Variants in TSBP1 observed in about 807,000 individuals in gnomAD.
TSBP1 encodes testis-expressed basic protein 1.
TSBP1 carries 56 observed loss-of-function variants against 68.8 expected under a neutral mutation model. The ratio of observed to expected loss-of-function variants is 0.81; its 90% CI spans 0.66 to 1.02. The LOEUF is 1.02. Among genes scored for constraint, TSBP1 ranks in the 50% least tolerant of loss-of-function variants. TSBP1 has a pLI of 0.00. For synonymous variants in TSBP1, 171 were observed against 208.7 expected (o/e 0.82, Z 1.56); for missense variants, 502 against 641.2 (o/e 0.78, Z 2.34).
chr6:32,309,295 T>C (rs751690015), intron 19 of TSBP1, among the ~76,000 whole-genome samples: 12 of 152,156 alleles, frequency 7.9e-5, no homozygotes, highest in Non-Finnish European at 7.3e-5. Flanking sequence ...CTCTTTTTTT[T>C]CTTTATAGTC....
chr6:32,366,227 CAT>C, intron 5 of TSBP1, 40 bp from the exon 6 acceptor site: 1 of 1,592,048 alleles, frequency 6.3e-7, no homozygotes, highest in Non-Finnish European at 8.5e-7. Context: ...CTTAATTTCT[CAT>C]AAACAGACTC....
Position 32,325,837 on chromosome 6 carries a change from G to A in TSBP1, c.515-2223C>T. 1 of 1,336,678 alleles carries A rather than the reference G, an allele frequency of 7.5e-7. No individual in the cohort carries two copies. 82.8% of individuals were successfully genotyped at this position (1,336,678 alleles called of 1,614,324 possible). ...TGGAAACTTAGGTGGTGGTCATGGA[G>A]GTGGTTTCGGTGGGAATGACAACTT... On this transcript the variant is annotated intron_variant, in intron 16 of 22. Transcript: ENST00000612031. The surrounding 1 kb of genome is among the most constrained non-coding windows in gnomAD (Gnocchi z 4.4).
chr6:32,351,902 A>G (rs1334276790), intron 8 of TSBP1, among the ~76,000 whole-genome samples: 1 of 152,134 alleles, frequency 6.6e-6, no homozygotes, highest in East Asian at 1.9e-4. Context: ...TTACTTAGGA[A>G]CAAACATCAA....
At position 32,369,895 on chromosome 6, in the gene TSBP1, A is replaced by G. The variant is rs768966551; in HGVS notation, c.100+2T>C. The stretch of plus-strand genomic sequence containing the variant: ...TCTTCATTTTGACTCATTATTACTC[A>G]CCACTTTGCTTACATCGTGCCCATC... On this transcript the variant is annotated splice_donor_variant, in intron 2 of 22. Transcript: ENST00000612031. LOFTEE classifies it high-confidence loss of function. 6 of 1,575,876 alleles carry G rather than the reference A, an allele frequency of 3.8e-6. No individual in the cohort carries two copies. The highest frequency in any genetic ancestry group is 1.7e-5 in the Admixed American group (1 of 59,952).
At chr6:32,295,083 C>T (rs999871230) in intron 22 of TSBP1, among the ~76,000 whole-genome samples, 3 of 151,964 alleles carry the variant, frequency 2.0e-5, no homozygotes, top group African/African-American at 4.8e-5. Flanking sequence ...CACTTGTAAT[C>T]CCAGCACCTT....
chr6:32,334,643 G>C (rs1231203630), intron 14 of TSBP1, among the ~76,000 whole-genome samples: 3 of 152,152 alleles, frequency 2.0e-5, no homozygotes, highest in African/African-American at 7.2e-5. Flanking sequence ...ACAGTAGTAA[G>C]ACATTATAGG....
At chr6:32,312,104 T>C (rs913061385) in intron 19 of TSBP1, among the ~76,000 whole-genome samples, 1 of 152,176 alleles carries the variant, frequency 6.6e-6, no homozygotes, top group African/African-American at 2.4e-5. Flanking sequence ...CTAGAGTCAG[T>C]ACTCCCACAT....
In TSBP1 at chr6:32,349,856, G is replaced by C. The variant is rs1319583719; in HGVS notation, c.260-27C>G. The C allele has an allele frequency of 2.8e-6, 4 of 1,416,778 alleles. No individual in the cohort carries two copies. The African/African-American group carries it at 5.6e-5, about 20-fold the overall frequency. 87.8% of individuals were successfully genotyped at this position (1,416,778 alleles called of 1,614,324 possible). A position where few individuals can be genotyped will look rare whatever the true frequency, so the allele number is the denominator to read the frequency against. On this transcript the variant is annotated intron_variant, in intron 8 of 22. Transcript: ENST00000612031. ...TATATTGCAGAAAGGTTGTGGAAAA[G>C]AGGATAGAAATGAGTCACAACTTAT...
intron 9 of TSBP1, among the ~76,000 whole-genome samples, chr6:32,348,827 C>T (rs3117122): frequency 0.42 from 64,037 of 151,972 alleles, 14,370 homozygotes; most frequent in African/African-American, 0.55. Flanking sequence ...GTCCCCTACT[C>T]CCATTCCCTG....
chr6:32,295,374 G>T (rs1189784230), intron 22 of TSBP1, among the ~76,000 whole-genome samples: 2 of 120,754 alleles, frequency 1.7e-5, no homozygotes, highest in African/African-American at 6.0e-5. Context: ...AAAAAAAGAA[G>T]ACCTAGGTTT....
At chr6:32,320,908 C>T (rs372393385) in intron 18 of TSBP1, among the ~76,000 whole-genome samples, 62 of 152,212 alleles carry the variant, frequency 4.1e-4, no homozygotes, top group African/African-American at 1.4e-3. Context: ...CATCATTTAG[C>T]TCCCGTTTAT....
In TSBP1 at chr6:32,338,959, A is replaced by C. The variant is rs1302485389; in HGVS notation, c.409+20T>G. 8 of 1,599,560 alleles carry C rather than the reference A, an allele frequency of 5.0e-6. No individual in the cohort carries two copies. The highest frequency in any genetic ancestry group is 1.7e-5 in the Admixed American group (1 of 60,000). Reference sequence around the variant, plus strand: ...GTAAAGCAAAGCACATGAGAATTAAAGGGCAGAAAAAGAACTTACTCATGG... The same window carrying C: ...GTAAAGCAAAGCACATGAGAATTAACGGGCAGAAAAAGAACTTACTCATGG... On this transcript the variant is annotated intron_variant, in intron 11 of 22. Transcript: ENST00000612031. This position sits in a 1 kb window ranked among gnomAD's most constrained non-coding sequence, Gnocchi z 5.5.
At chr6:32,320,523 C>T (rs1767503989) in intron 18 of TSBP1, among the ~76,000 whole-genome samples, 1 of 152,008 alleles carries the variant, frequency 6.6e-6, no homozygotes, top group South Asian at 2.1e-4. Context: ...TGAGGCAAAG[C>T]TGTCATCTCT....
At position 32,367,911 on chromosome 6, in the gene TSBP1, C is replaced by A; in HGVS notation, c.166+14G>T. 6.3e-7 allele frequency: 1 copy of A among 1,594,066 alleles called. No individual in the cohort carries two copies. The highest frequency in any genetic ancestry group is 8.6e-7 in the Non-Finnish European group (1 of 1,163,384). On this transcript the variant is annotated intron_variant, in intron 4 of 22. Transcript: ENST00000612031. Reference sequence around the variant, plus strand: ...TTCCTTCATTAACTGTCTAGTAGTTCCTAATCTATTTACCTCTACCATCCT... The same window carrying A: ...TTCCTTCATTAACTGTCTAGTAGTTACTAATCTATTTACCTCTACCATCCT...
intron 18 of TSBP1, among the ~76,000 whole-genome samples, chr6:32,319,931 C>CT (rs547206971): frequency 6.6e-6 from 1 of 151,734 alleles, no homozygotes; most frequent in Non-Finnish European, 1.5e-5. Context: ...AAGACTTTTT[C>CT]TTTTTTTTCC....
intron 15 of TSBP1, 151 bp downstream of exon 16, chr6:32,331,883 C>T: frequency 1.5e-6 from 1 of 657,408 alleles, no homozygotes; most frequent in Admixed American, 2.7e-5. Flanking sequence ...GCCTTCCCTC[C>T]AAAACCTAAC....
chr6:32,342,513 G>T (rs188301070), intron 9 of TSBP1, among the ~76,000 whole-genome samples: 3 of 152,006 alleles, frequency 2.0e-5, no homozygotes, highest in African/African-American at 7.3e-5. Context: ...GTTATGTAAC[G>T]GACTTGAAAT....
At chr6:32,324,854 T>A (rs1168715213) in intron 16 of TSBP1, among the ~76,000 whole-genome samples, 6 of 151,904 alleles carry the variant, frequency 3.9e-5, no homozygotes, top group Non-Finnish European at 7.4e-5. Flanking sequence ...TTCTGGATAA[T>A]GGAAAAACAA....
intron 9 of TSBP1, among the ~76,000 whole-genome samples, chr6:32,345,773 T>C (rs3117134): frequency 0.42 from 64,035 of 151,898 alleles, 14,391 homozygotes; most frequent in African/African-American, 0.55. Flanking sequence ...TAGGATCAAG[T>C]CCTTTGAGGT....
Sources: allele counts gnomAD v4.1 joint callset (sites outside exome capture counted in the v4.1 genomes callset), GRCh38; gene constraint gnomAD v4.1.1; non-coding constraint Gnocchi (gnomAD v3.1); transcripts MANE v1.5; gene names NCBI Gene and HGNC (gene_info 2026-07-23, HGNC 2026-07-21).